Variants in PTPRD observed in about 807,000 individuals in gnomAD.
The protein encoded by PTPRD is receptor-type tyrosine-protein phosphatase delta.
A neutral mutation model predicts 214.5 loss-of-function variants in PTPRD; 34 were observed. That is an observed-to-expected ratio of 0.16 (90% CI 0.12 to 0.21). The LOEUF (loss-of-function observed/expected upper bound fraction) is 0.21. Ranked by LOEUF, PTPRD falls within the 10% of genes least tolerant of loss-of-function variation. The pLI, the probability that PTPRD is intolerant of heterozygous loss-of-function variation, is 1.00. For missense variants in PTPRD, 2,545 were observed against 2,398.7 expected (o/e 1.06, Z -1.27); for synonymous variants, 1,128 against 845.7 (o/e 1.33, Z -5.79).
intron 4 of PTPRD, among the ~76,000 whole-genome samples, chr9:9,950,231 C>T (rs570615218): frequency 6.6e-6 from 1 of 152,286 alleles, no homozygotes; most frequent in East Asian, 1.9e-4. Context: ...CGTCTTCTCT[C>T]TGGGACTTCC....
chr9:9,226,797 C>T (rs2099959776), intron 9 of PTPRD, among the ~76,000 whole-genome samples: 1 of 151,998 alleles, frequency 6.6e-6, no homozygotes, highest in Non-Finnish European at 1.5e-5. Flanking sequence ...TTTCACTTAA[C>T]ATGGATATCA....
intron 11 of PTPRD, among the ~76,000 whole-genome samples, chr9:8,901,621 C>T (rs900719819): frequency 2.0e-5 from 3 of 152,156 alleles, no homozygotes; most frequent in Admixed American, 6.6e-5. Context: ...ACGTAGGTCT[C>T]CTGATTGCCA....
intron 9 of PTPRD, among the ~76,000 whole-genome samples, chr9:9,273,900 CAAT>C (rs1382683140): frequency 6.6e-6 from 1 of 151,262 alleles, no homozygotes; most frequent in African/African-American, 2.4e-5. Flanking sequence ...AGAGGTTTGT[CAAT>C]ATCTATAAAG....
intron 11 of PTPRD, among the ~76,000 whole-genome samples, chr9:8,928,914 G>A (rs1384756506): frequency 6.6e-6 from 1 of 152,170 alleles, no homozygotes; most frequent in Non-Finnish European, 1.5e-5. Flanking sequence ...CGCATCCCTC[G>A]TAAGTTGTAT....
chr9:10,073,726 A>G (rs1478562504), intron 3 of PTPRD, among the ~76,000 whole-genome samples: 10 of 152,032 alleles, frequency 6.6e-5, no homozygotes, highest in Admixed American at 2.0e-4. Context: ...CATCGTTGAC[A>G]TGTGCCAATA....
At chr9:9,436,626 G>T (rs1292082651) in intron 8 of PTPRD, among the ~76,000 whole-genome samples, 2 of 151,304 alleles carry the variant, frequency 1.3e-5, no homozygotes, top group Non-Finnish European at 2.9e-5. Flanking sequence ...TTATACAAAG[G>T]CATATGTGTC....
chr9:8,910,102 A>C (rs1432665139), intron 11 of PTPRD, among the ~76,000 whole-genome samples: 1 of 151,832 alleles, frequency 6.6e-6, no homozygotes, highest in Non-Finnish European at 1.5e-5. Flanking sequence ...GCAGTGGCTC[A>C]ATCTCGGCTC....
intron 9 of PTPRD, among the ~76,000 whole-genome samples, chr9:9,365,174 C>T (rs1046861091): frequency 4.2e-4 from 64 of 151,602 alleles, no homozygotes; most frequent in African/African-American, 1.4e-3. Context: ...TATTGGATCA[C>T]AGCTTTTTAA....
At chr9:9,932,240 G>C (rs948722785) in intron 5 of PTPRD, among the ~76,000 whole-genome samples, 2 of 150,948 alleles carry the variant, frequency 1.3e-5, no homozygotes, top group African/African-American at 5.0e-5. Flanking sequence ...TAACTTTGAC[G>C]AGCTGAGAGA....
intron 8 of PTPRD, among the ~76,000 whole-genome samples, chr9:9,438,824 G>C (rs185617685): frequency 6.6e-6 from 1 of 152,078 alleles, no homozygotes; most frequent in Non-Finnish European, 1.5e-5. Flanking sequence ...AAGTATAAAT[G>C]CAATATTCTA....
At chr9:8,504,740 T>C (rs1234357968) in intron 22 of PTPRD, among the ~76,000 whole-genome samples, 1 of 152,182 alleles carries the variant, frequency 6.6e-6, no homozygotes. Flanking sequence ...TATGTTGCTG[T>C]GACACAGATC....
chr9:9,031,882 C>T (rs2099606672), intron 10 of PTPRD, among the ~76,000 whole-genome samples: 1 of 151,904 alleles, frequency 6.6e-6, no homozygotes. Flanking sequence ...TAGAATTGGA[C>T]AGTCAAAAAA....
intron 11 of PTPRD, among the ~76,000 whole-genome samples, chr9:8,999,116 T>C (rs1263255653): frequency 6.6e-6 from 1 of 152,048 alleles, no homozygotes; most frequent in Non-Finnish European, 1.5e-5. Context: ...GGATTTATAA[T>C]ATTACACAAG....
At chr9:10,373,739 C>T (rs1000790364) in intron 2 of PTPRD, among the ~76,000 whole-genome samples, 11 of 152,036 alleles carry the variant, frequency 7.2e-5, no homozygotes, top group Non-Finnish European at 1.0e-4. Flanking sequence ...ACCACCTTTA[C>T]GCCTTGCCAT....
At chr9:8,919,253 C>T (rs977681260) in intron 11 of PTPRD, among the ~76,000 whole-genome samples, 6 of 151,968 alleles carry the variant, frequency 3.9e-5, no homozygotes, top group South Asian at 2.1e-4. Context: ...ATTAGCTGGG[C>T]GTGGTGGTGC....
intron 27 of PTPRD, 32 bp downstream of exon 27, chr9:8,492,830 T>C (rs370004263): frequency 2.6e-6 from 4 of 1,530,278 alleles, no homozygotes; most frequent in Non-Finnish European, 3.6e-6. Flanking sequence ...AGTATTACTG[T>C]TCAAGGCACA....
At chr9:10,588,763 G>C (rs1432460032) in intron 2 of PTPRD, among the ~76,000 whole-genome samples, 1 of 151,660 alleles carries the variant, frequency 6.6e-6, no homozygotes, top group African/African-American at 2.4e-5. Flanking sequence ...TAGGTCTTTA[G>C]TCAAATGCCT....
chr9:10,151,949 G>A (rs1201781654), intron 3 of PTPRD, among the ~76,000 whole-genome samples: 3 of 152,170 alleles, frequency 2.0e-5, no homozygotes, highest in Admixed American at 6.5e-5. Flanking sequence ...TGAACTGAAG[G>A]ATATTTAGGC....
At chr9:10,081,303 T>C (rs1413456532) in intron 3 of PTPRD, among the ~76,000 whole-genome samples, 2 of 152,110 alleles carry the variant, frequency 1.3e-5, no homozygotes, top group Non-Finnish European at 2.9e-5. Flanking sequence ...ATTGAAGACT[T>C]TGTTTTAAAG....
Sources: allele counts gnomAD v4.1 joint callset (sites outside exome capture counted in the v4.1 genomes callset), GRCh38; gene constraint gnomAD v4.1.1; transcripts MANE v1.5; gene names NCBI Gene and HGNC (gene_info 2026-07-23, HGNC 2026-07-21).